The following TBC1D5 variants were observed in gnomAD, a reference collection of about 807,000 sequenced individuals.
The protein encoded by TBC1D5 is TBC1 domain family member 5.
In TBC1D5, 75 loss-of-function variants were observed where a neutral mutation model predicts 100.3. That is an observed-to-expected ratio of 0.75 (90% CI 0.62 to 0.91). TBC1D5 has a LOEUF of 0.91. Among genes scored for constraint, TBC1D5 ranks in the 40% least tolerant of loss-of-function variants. TBC1D5 has a pLI of 0.00. For synonymous variants in TBC1D5, 323 were observed against 325.6 expected (o/e 0.99, Z 0.09); for missense variants, 910 against 942.4 (o/e 0.97, Z 0.45).
chr3:17,676,141 T>C (rs1008568657), intron 1 of TBC1D5, among the ~76,000 whole-genome samples: 2 of 152,156 alleles, frequency 1.3e-5, no homozygotes, highest in African/African-American at 2.4e-5. Flanking sequence ...GAAATAAATC[T>C]CCATTAAGTT....
chr3:17,225,307 C>G (rs1236391635), intron 17 of TBC1D5, among the ~76,000 whole-genome samples: 2 of 151,624 alleles, frequency 1.3e-5, no homozygotes, highest in Non-Finnish European at 2.9e-5. Context: ...GGCATGGTGG[C>G]GCATGCCTGT....
chr3:17,404,562 G>T, intron 7 of TBC1D5, 132 bp downstream of exon 7: 1 of 725,538 alleles, frequency 1.4e-6, no homozygotes, highest in Non-Finnish European at 2.3e-6. Flanking sequence ...CCAGGTTTTA[G>T]GTGGTACTGT....
At chr3:17,445,354 A>AT (rs1303849258) in intron 3 of TBC1D5, among the ~76,000 whole-genome samples, 1 of 152,006 alleles carries the variant, frequency 6.6e-6, no homozygotes, top group Non-Finnish European at 1.5e-5. Context: ...GTGAAGAACC[A>AT]TAAAAAAAAA....
At chr3:17,666,365 AAGAT>A (rs1210539002) in intron 1 of TBC1D5, among the ~76,000 whole-genome samples, 1 of 152,188 alleles carries the variant, frequency 6.6e-6, no homozygotes. Flanking sequence ...AAGATTTTAG[AAGAT>A]AACTTCTAAG....
At chr3:17,189,634 G>A (rs1444112456) in intron 18 of TBC1D5, among the ~76,000 whole-genome samples, 1 of 152,126 alleles carries the variant, frequency 6.6e-6, no homozygotes, top group Non-Finnish European at 1.5e-5. Context: ...CATAAAATAT[G>A]GCCTACTCCT....
At chr3:17,404,365 G>A (rs1368123495) in intron 7 of TBC1D5, among the ~76,000 whole-genome samples, 2 of 151,904 alleles carry the variant, frequency 1.3e-5, no homozygotes, top group East Asian at 3.9e-4. Flanking sequence ...ACGACGAAGG[G>A]AGGCTTTCCT....
At chr3:17,411,124 G>A (rs1328913745) in intron 4 of TBC1D5, among the ~76,000 whole-genome samples, 2 of 151,870 alleles carry the variant, frequency 1.3e-5, no homozygotes, top group Non-Finnish European at 2.9e-5. Flanking sequence ...ACCCTAACTA[G>A]TGGGAAGCCA....
intron 2 of TBC1D5, among the ~76,000 whole-genome samples, chr3:17,609,669 A>C (rs183638774): frequency 7.1e-4 from 108 of 152,270 alleles, no homozygotes; most frequent in Non-Finnish European, 1.3e-3. Context: ...TCCTCTGAGG[A>C]AGTTTCCCAA....
intron 1 of TBC1D5, among the ~76,000 whole-genome samples, chr3:17,716,335 C>A (rs2075235449): frequency 6.6e-6 from 1 of 151,712 alleles, no homozygotes; most frequent in South Asian, 2.1e-4. Context: ...TGAATTCAGT[C>A]AATCACTTAT....
chr3:17,490,670 T>C (rs1321462300), intron 3 of TBC1D5, among the ~76,000 whole-genome samples: 1 of 152,228 alleles, frequency 6.6e-6, no homozygotes, highest in African/African-American at 2.4e-5. Context: ...TCCATTGGTC[T>C]ATGTATCTGG....
chr3:17,623,522 G>A (rs1321307836), intron 2 of TBC1D5, among the ~76,000 whole-genome samples: 1 of 152,156 alleles, frequency 6.6e-6, no homozygotes, highest in Non-Finnish European at 1.5e-5. Context: ...CCTGCAGAGT[G>A]CCATAAAAGT....
intron 13 of TBC1D5, among the ~76,000 whole-genome samples, chr3:17,310,516 AT>A (rs2083902998): frequency 6.6e-6 from 1 of 152,030 alleles, no homozygotes; most frequent in African/African-American, 2.4e-5. Flanking sequence ...AGAGAGAGAG[AT>A]CCAGAAAGTT....
At chr3:17,264,372 T>A (rs1168235072) in intron 15 of TBC1D5, among the ~76,000 whole-genome samples, 1 of 152,124 alleles carries the variant, frequency 6.6e-6, no homozygotes, top group Non-Finnish European at 1.5e-5. Context: ...ATTTGAATCA[T>A]CAAATAGAGA....
chr3:17,358,908 C>A (rs1382267598), intron 13 of TBC1D5, among the ~76,000 whole-genome samples: 1 of 151,570 alleles, frequency 6.6e-6, no homozygotes, highest in Admixed American at 6.6e-5. Flanking sequence ...AACAATAATT[C>A]GTGTAAAATG....
At chr3:17,318,780 C>A (rs770483039) in intron 13 of TBC1D5, among the ~76,000 whole-genome samples, 2 of 152,110 alleles carry the variant, frequency 1.3e-5, no homozygotes, top group Admixed American at 6.5e-5. Flanking sequence ...TCACAGGATT[C>A]GGAATGCATA....
chr3:17,277,792 A>G (rs755519125), intron 15 of TBC1D5, among the ~76,000 whole-genome samples: 2 of 152,206 alleles, frequency 1.3e-5, no homozygotes, highest in Non-Finnish European at 2.9e-5. Context: ...AGATAGCTCC[A>G]AAGTGGGAAC....
At chr3:17,385,271 T>C (rs918103306) in intron 8 of TBC1D5, among the ~76,000 whole-genome samples, 2 of 152,002 alleles carry the variant, frequency 1.3e-5, no homozygotes, top group Non-Finnish European at 2.9e-5. Context: ...GGTAATGAGA[T>C]TGCAAATCAG....
intron 1 of TBC1D5, among the ~76,000 whole-genome samples, chr3:17,677,510 G>C (rs1265834684): frequency 6.6e-6 from 1 of 152,198 alleles, no homozygotes; most frequent in Non-Finnish European, 1.5e-5. Flanking sequence ...GTGCTGGAGA[G>C]GATGTGGAGA....
At chr3:17,454,313 A>G (rs2094998868) in intron 3 of TBC1D5, among the ~76,000 whole-genome samples, 1 of 152,200 alleles carries the variant, frequency 6.6e-6, no homozygotes, top group African/African-American at 2.4e-5. Flanking sequence ...TCCGAATTGG[A>G]AAATAAAACA....
Sources: gnomAD v4.1 joint callset for allele counts (sites outside exome capture counted in the v4.1 genomes callset) on GRCh38, gnomAD v4.1.1 for gene constraint, MANE v1.5 for transcripts, NCBI Gene and HGNC (gene_info 2026-07-23, HGNC 2026-07-21) for gene names.